LSAMP: variants seen among roughly 807,000 people sequenced by gnomAD.
LSAMP encodes the protein limbic system associated membrane protein.
Under a neutral mutation model 38.6 loss-of-function variants are expected in LSAMP, and 7 were observed. That is an observed-to-expected ratio of 0.18 (90% CI 0.10 to 0.34). The LOEUF is 0.34. Ranked by LOEUF, LSAMP falls within the 10% of genes least tolerant of loss-of-function variation. The probability of loss-of-function intolerance (pLI) is 1.00; values close to 1 mark genes in which losing one functional copy is unlikely to be tolerated. For missense variants in LSAMP, 313 were observed against 420.0 expected, an observed-to-expected ratio of 0.75 and a Z score of 2.23; for synonymous variants, 154 against 166.8, an observed-to-expected ratio of 0.92 and a Z score of 0.59.
intron 1 of LSAMP, among the ~76,000 whole-genome samples, chr3:116,155,729 G>A (rs1289748788): frequency 6.8e-6 from 1 of 147,680 alleles, no homozygotes; most frequent in Non-Finnish European, 1.5e-5. Context: ...TGAAAGCTCT[G>A]TAAGTAGAGA....
At chr3:116,296,711 AAAAAAAAAAAAAG>A (rs1280971120) in intron 1 of LSAMP, among the ~76,000 whole-genome samples, 3 of 150,900 alleles carry the variant, frequency 2.0e-5, no homozygotes, top group Non-Finnish European at 4.4e-5. Flanking sequence ...AAAAAAAAAA[AAAAAAAAAAAAAG>A]AAACCCATAA....
chr3:115,933,574 G>T (rs1937615684), intron 3 of LSAMP, among the ~76,000 whole-genome samples: 1 of 152,162 alleles, frequency 6.6e-6, no homozygotes, highest in South Asian at 2.1e-4. Flanking sequence ...AAATAACATG[G>T]CCAGCAGGCA....
intron 1 of LSAMP, among the ~76,000 whole-genome samples, chr3:116,315,914 A>G (rs1173844880): frequency 6.6e-6 from 1 of 152,238 alleles, no homozygotes; most frequent in Non-Finnish European, 1.5e-5. Flanking sequence ...AATTTCAACT[A>G]CATGTTCAGA....
chr3:115,844,281 T>C (rs1200071302), intron 4 of LSAMP, among the ~76,000 whole-genome samples: 1 of 152,194 alleles, frequency 6.6e-6, no homozygotes, highest in African/African-American at 2.4e-5. Context: ...AAATTATAAC[T>C]CATTTATCTA....
intron 2 of LSAMP, among the ~76,000 whole-genome samples, chr3:116,067,448 G>A (rs185045807): frequency 1.3e-5 from 2 of 152,282 alleles, no homozygotes; most frequent in East Asian, 3.9e-4. Context: ...TGTGAAATGT[G>A]GACCTCATAC....
At chr3:116,082,026 G>T (rs1312917606) in intron 2 of LSAMP, among the ~76,000 whole-genome samples, 1 of 152,120 alleles carries the variant, frequency 6.6e-6, no homozygotes. Flanking sequence ...AAGATGCGTT[G>T]TAAAATATGG....
chr3:116,116,496 A>C (rs1045490897), intron 1 of LSAMP, among the ~76,000 whole-genome samples: 1 of 149,518 alleles, frequency 6.7e-6, no homozygotes, highest in Admixed American at 6.7e-5. Flanking sequence ...GGAGATTAAG[A>C]CCATCCTGGC....
intron 2 of LSAMP, among the ~76,000 whole-genome samples, chr3:116,026,913 C>G (rs1293204698): frequency 6.6e-6 from 1 of 152,092 alleles, no homozygotes; most frequent in Non-Finnish European, 1.5e-5. Context: ...ATGCCTCTGC[C>G]ATTGCCACGA....
intron 3 of LSAMP, among the ~76,000 whole-genome samples, chr3:115,931,253 TA>T (rs1303874764): frequency 1.3e-5 from 2 of 152,152 alleles, no homozygotes; most frequent in Non-Finnish European, 2.9e-5. Flanking sequence ...TCCTTCTGCC[TA>T]AAATCCCAGC....
intron 3 of LSAMP, among the ~76,000 whole-genome samples, chr3:115,979,358 G>T (rs778790429): frequency 6.6e-6 from 1 of 152,094 alleles, no homozygotes; most frequent in Non-Finnish European, 1.5e-5. Flanking sequence ...TATATGGAAG[G>T]ACGTGAGAAG....
intron 1 of LSAMP, among the ~76,000 whole-genome samples, chr3:116,223,465 T>G (rs2046311757): frequency 6.6e-6 from 1 of 152,184 alleles, no homozygotes; most frequent in Non-Finnish European, 1.5e-5. Context: ...GCTTATCAAT[T>G]CATTAAAATA....
intron 1 of LSAMP, among the ~76,000 whole-genome samples, chr3:116,199,127 C>G (rs2045953736): frequency 6.6e-6 from 1 of 150,516 alleles, no homozygotes; most frequent in South Asian, 2.1e-4. Flanking sequence ...AAAATCAGAA[C>G]TCAGTAGAAA....
intron 3 of LSAMP, among the ~76,000 whole-genome samples, chr3:115,926,901 T>C (rs1465554961): frequency 6.6e-6 from 1 of 152,218 alleles, no homozygotes; most frequent in Non-Finnish European, 1.5e-5. Context: ...TATTCATCTA[T>C]CTGATAATTG....
At chr3:116,130,674 C>A (rs898152320) in intron 1 of LSAMP, among the ~76,000 whole-genome samples, 5 of 152,046 alleles carry the variant, frequency 3.3e-5, no homozygotes, top group Non-Finnish European at 7.4e-5. Flanking sequence ...TTCTCACTCT[C>A]CCTATTTTTA....
At chr3:115,879,914 T>C (rs919536158) in intron 3 of LSAMP, among the ~76,000 whole-genome samples, 3 of 152,174 alleles carry the variant, frequency 2.0e-5, no homozygotes, top group African/African-American at 7.2e-5. Context: ...GTTTAAAATG[T>C]TAGCATAAAA....
At chr3:115,931,225 C>G (rs1937576002) in intron 3 of LSAMP, among the ~76,000 whole-genome samples, 1 of 152,162 alleles carries the variant, frequency 6.6e-6, no homozygotes, top group African/African-American at 2.4e-5. Context: ...GCAGTTCAGT[C>G]AACCCCTTCA....
chr3:115,833,933 G>A (rs1934701392), intron 6 of LSAMP, among the ~76,000 whole-genome samples: 1 of 152,042 alleles, frequency 6.6e-6, no homozygotes, highest in Non-Finnish European at 1.5e-5. Context: ...ATACGATGTA[G>A]GAGGCAAAAT....
chr3:116,217,579 T>C, intron 1 of LSAMP, among the ~76,000 whole-genome samples: 1 of 152,200 alleles, frequency 6.6e-6, no homozygotes, highest in East Asian at 1.9e-4. Context: ...AGAAGTACAT[T>C]GGATTGCAGT....
intron 1 of LSAMP, 145 bp downstream of exon 1, chr3:116,444,732 A>C (rs574955535): frequency 7.2e-5 from 58 of 801,578 alleles, no homozygotes; most frequent in East Asian, 2.9e-4. Flanking sequence ...CACACACACC[A>C]CACACACACA....
Sources: gnomAD v4.1 joint callset for allele counts (sites outside exome capture counted in the v4.1 genomes callset) on GRCh38, gnomAD v4.1.1 for gene constraint, MANE v1.5 for transcripts, NCBI Gene and HGNC (gene_info 2026-07-23, HGNC 2026-07-21) for gene names.